SGIP1: variants seen among roughly 807,000 people sequenced by gnomAD.
SGIP1 encodes the protein SH3-containing GRB2-like protein 3-interacting protein 1.
SGIP1 carries 38 observed loss-of-function variants against 107.5 expected under a neutral mutation model. The ratio of observed to expected loss-of-function variants is 0.35; its 90% CI spans 0.27 to 0.46. The LOEUF (loss-of-function observed/expected upper bound fraction) is 0.46. Ranked by LOEUF, SGIP1 falls within the 20% of genes least tolerant of loss-of-function variation. SGIP1 has a pLI of 1.00. For missense variants in SGIP1, 929 were observed against 1,019.5 expected (o/e 0.91, Z 1.21); for synonymous variants, 365 against 366.1 (o/e 1.00, Z 0.03).
Position 66,690,336 on chromosome 1 carries a change from T to C in SGIP1, c.1570+20T>C. ...CAGTTGGTAAAAATTCTCTCCTCTC[T>C]TTTAATCCGTTTGTGGTTTTGACTG... is the stretch of plus-strand genomic sequence containing the variant. On this transcript the variant is annotated intron_variant, in intron 17 of 24. Coordinates refer to ENST00000371037, the MANE Select transcript of SGIP1 (RefSeq NM_032291.4). 6.2e-7 allele frequency: 1 copy of C among 1,613,584 alleles called. No individual in the cohort carries two copies. The highest frequency in any genetic ancestry group is 1.1e-5 in the South Asian group (1 of 91,020).
intron 1 of SGIP1, among the ~76,000 whole-genome samples, chr1:66,616,626 G>T (rs918792907): frequency 2.0e-5 from 3 of 152,050 alleles, no homozygotes; most frequent in African/African-American, 7.2e-5. Context: ...GCTCCCCATG[G>T]ATCTTTGTAC....
chr1:66,735,369 T>C (rs1012757212), intron 21 of SGIP1, among the ~76,000 whole-genome samples: 1 of 151,812 alleles, frequency 6.6e-6, no homozygotes, highest in African/African-American at 2.4e-5. Context: ...GCATGCACCA[T>C]CATCCTGGCT....
intron 1 of SGIP1, among the ~76,000 whole-genome samples, chr1:66,556,512 C>G (rs1019089571): frequency 6.6e-6 from 1 of 152,058 alleles, no homozygotes; most frequent in Non-Finnish European, 1.5e-5. Context: ...TTCACAAAAG[C>G]GTGTGCAGAC....
chr1:66,698,974 C>T (rs993569014), intron 18 of SGIP1, among the ~76,000 whole-genome samples: 4 of 151,618 alleles, frequency 2.6e-5, no homozygotes, highest in African/African-American at 9.7e-5. Context: ...GGAATATAAG[C>T]TCTGTCATCT....
At chr1:66,711,746 C>T (rs953296957) in intron 18 of SGIP1, among the ~76,000 whole-genome samples, 38 of 152,286 alleles carry the variant, frequency 2.5e-4, no homozygotes, top group African/African-American at 9.1e-4. Flanking sequence ...AAAATGGGGA[C>T]AGTCTTTAAA....
At chr1:66,607,595 G>A (rs1477172575) in intron 1 of SGIP1, among the ~76,000 whole-genome samples, 1 of 152,176 alleles carries the variant, frequency 6.6e-6, no homozygotes. Context: ...TTTTCCCCTT[G>A]CCCTCTGGCT....
chr1:66,645,612 T>A (rs572925044), intron 7 of SGIP1, among the ~76,000 whole-genome samples: 49 of 152,278 alleles, frequency 3.2e-4, no homozygotes, highest in Middle Eastern at 6.8e-3. Flanking sequence ...TTGTTCCCTG[T>A]AATGTGAGAA....
At chr1:66,675,556 T>TTTTTTTTTTTTTTTTTTTTA (rs2085084155) in intron 12 of SGIP1, among the ~76,000 whole-genome samples, 1 of 143,042 alleles carries the variant, frequency 7.0e-6, no homozygotes, top group African/African-American at 2.7e-5. Context: ...TTTTTTTTTT[T>TTTTTTTTTTTTTTTTTTTTA]TTTGACAGAA....
intron 1 of SGIP1, among the ~76,000 whole-genome samples, chr1:66,559,889 T>C (rs2058690644): frequency 6.6e-6 from 1 of 151,824 alleles, no homozygotes; most frequent in Non-Finnish European, 1.5e-5. Context: ...GAGGAGGGGG[T>C]CAATGTCCCT....
intron 1 of SGIP1, among the ~76,000 whole-genome samples, chr1:66,615,709 T>C (rs2069125506): frequency 6.6e-6 from 1 of 152,174 alleles, no homozygotes; most frequent in African/African-American, 2.4e-5. Flanking sequence ...AAAAAGTCTA[T>C]CTGAGAAGGA....
intron 7 of SGIP1, among the ~76,000 whole-genome samples, chr1:66,658,152 A>T (rs1391153516): frequency 6.6e-6 from 1 of 152,190 alleles, no homozygotes; most frequent in Non-Finnish European, 1.5e-5. Flanking sequence ...ATTAAATAAG[A>T]TGCATTTTAT....
chr1:66,574,872 T>A (rs1487300461), intron 1 of SGIP1, among the ~76,000 whole-genome samples: 1 of 152,192 alleles, frequency 6.6e-6, no homozygotes, highest in Non-Finnish European at 1.5e-5. Flanking sequence ...TCAAGAAATT[T>A]ATTTAGAGAT....
chr1:66,730,873 C>T (rs752653635), intron 20 of SGIP1, among the ~76,000 whole-genome samples: 2 of 152,132 alleles, frequency 1.3e-5, no homozygotes, highest in Non-Finnish European at 2.9e-5. Flanking sequence ...ACTGTTTCAA[C>T]CTTCTTCACC....
chr1:66,665,270 G>C (rs926005727), intron 8 of SGIP1, among the ~76,000 whole-genome samples: 3 of 152,086 alleles, frequency 2.0e-5, no homozygotes, highest in African/African-American at 4.8e-5. Flanking sequence ...ATGGTTTCCA[G>C]CTTCATCCAT....
rs958022322 is a variant in SGIP1, at chr1:66,708,696, A to C, written c.1631-10598A>C. On this transcript the variant is annotated intron_variant, in intron 18 of 24. Transcript: ENST00000371037. ...GTTTAGGTGCTCTAGGCAAAGACCC[A>C]GGTTGAAGAAAAATTCTCTACAAAA... Among the ~76,000 whole-genome samples the C allele has an allele frequency of 2.0e-5, 3 of 152,272 alleles. No homozygotes were observed. The East Asian group carries it at 5.8e-4, about 29-fold the overall frequency.
chr1:66,667,945 T>C (rs1405053170), intron 9 of SGIP1, among the ~76,000 whole-genome samples: 1 of 152,206 alleles, frequency 6.6e-6, no homozygotes, highest in East Asian at 1.9e-4. Context: ...TTTTAAGCCA[T>C]CATTGTTTGT....
At position 66,750,163 on chromosome 1, in the gene SGIP1, T is replaced by C. The variant is rs1260550806; in HGVS notation, c.*7068T>C. On this transcript the variant is annotated 3_prime_UTR_variant, in exon 25 of 25. Coordinates refer to ENST00000371037, the MANE Select transcript of SGIP1 (RefSeq NM_032291.4). ...TTGATATGATGATATATTAATCTTA[T>C]CTATGAACAGAGCTTCACCACAGGC... Among the ~76,000 whole-genome samples the C allele has an allele frequency of 2.6e-5, 4 of 152,110 alleles. No homozygotes were observed. Among genetic ancestry groups the C allele is most frequent in the Non-Finnish European group, 5.9e-5 (4 of 68,006 alleles).
chr1:66,691,308 C>A (rs2089798619), intron 17 of SGIP1, among the ~76,000 whole-genome samples: 1 of 152,198 alleles, frequency 6.6e-6, no homozygotes, highest in Admixed American at 6.5e-5. Context: ...GTAGCTTGAT[C>A]AAAGCCTGAA....
intron 1 of SGIP1, among the ~76,000 whole-genome samples, chr1:66,607,666 A>G (rs1168047012): frequency 6.6e-6 from 1 of 152,026 alleles, no homozygotes; most frequent in Admixed American, 6.6e-5. Context: ...ACCCCCCTAC[A>G]CCATCACCAC....
Sources: allele counts gnomAD v4.1 joint callset (sites outside exome capture counted in the v4.1 genomes callset), GRCh38; gene constraint gnomAD v4.1.1; transcripts MANE v1.5; gene names NCBI Gene and HGNC (gene_info 2026-07-23, HGNC 2026-07-21).